The following DACH2 variants were observed in gnomAD, a reference collection of about 807,000 sequenced individuals.
DACH2 encodes dachshund homolog 2.
In DACH2, 17 loss-of-function variants were observed where a neutral mutation model predicts 35.8. The observed-to-expected ratio is 0.48, with a 90% CI of 0.33 to 0.71. The LOEUF (loss-of-function observed/expected upper bound fraction) is 0.71. DACH2 is among the 30% of genes least tolerant of loss of function. The pLI is 0.02. For missense variants in DACH2, 469 were observed against 472.7 expected (o/e 0.99, Z 0.07); for synonymous variants, 195 against 177.3 (o/e 1.10, Z -0.79).
At chrX:86,188,731 C>T (rs2031749802) in intron 1 of DACH2, among the ~76,000 whole-genome samples, 1 of 111,902 alleles carries the variant, frequency 8.9e-6, no homozygotes, top group Admixed American at 9.5e-5. Context: ...CCAAGGAATG[C>T]AGAGAAGGAC....
At chrX:86,245,366 G>A (rs1349868058) in intron 1 of DACH2, among the ~76,000 whole-genome samples, 1 of 111,757 alleles carries the variant, frequency 8.9e-6, no homozygotes, top group Non-Finnish European at 1.9e-5. Context: ...GCTGGCACAT[G>A]TGCACGAGCA....
chrX:86,317,041 C>T (rs1244024620), intron 1 of DACH2, among the ~76,000 whole-genome samples: 8 of 103,009 alleles, frequency 7.8e-5, no homozygotes, highest in East Asian at 6.1e-4. Flanking sequence ...TGCTTGAACC[C>T]GGGAGGCAGA....
chrX:86,789,491 C>T (rs901074945), intron 7 of DACH2, among the ~76,000 whole-genome samples: 4 of 109,316 alleles, frequency 3.7e-5, no homozygotes, highest in African/African-American at 1.3e-4. Context: ...ATTCCAAAAA[C>T]AATAAATGGA....
chrX:86,184,155 T>G (rs1236098862), intron 1 of DACH2: 1 of 149,871 alleles, frequency 6.7e-6, no homozygotes, highest in African/African-American at 3.2e-5. Context: ...TTTGAAGGGT[T>G]TTTCATGTTT....
At chrX:86,157,214 A>G (rs1482880425) in intron 1 of DACH2, among the ~76,000 whole-genome samples, 1 of 111,738 alleles carries the variant, frequency 8.9e-6, no homozygotes, top group Non-Finnish European at 1.9e-5. Flanking sequence ...ATTTTTAAAC[A>G]AATTGACTGT....
chrX:86,333,497 G>A (rs1197916787), intron 1 of DACH2, among the ~76,000 whole-genome samples: 2 of 111,164 alleles, frequency 1.8e-5, no homozygotes, highest in African/African-American at 6.5e-5. Context: ...GGAAACAAGG[G>A]GTTCAGAAAG....
At chrX:86,542,100 T>G (rs144928888) in intron 3 of DACH2, among the ~76,000 whole-genome samples, 13 of 111,961 alleles carry the variant, frequency 1.2e-4, no homozygotes, top group African/African-American at 3.9e-4. Flanking sequence ...TGTCACTTTC[T>G]CTTCCCTTTT....
chrX:86,546,339 CTCTTCTTCTTCTTCT>C (rs1182517815), intron 3 of DACH2, among the ~76,000 whole-genome samples: 45 of 67,200 alleles, frequency 6.7e-4, no homozygotes, highest in East Asian at 1.8e-3. Flanking sequence ...CTTCTTCTTC[CTCTTCTTCTTCTTCT>C]TCCTCTTCTT....
chrX:86,299,737 A>T (rs762231973), intron 1 of DACH2, among the ~76,000 whole-genome samples: 1 of 111,909 alleles, frequency 8.9e-6, no homozygotes, highest in African/African-American at 3.2e-5. Context: ...AATAATATGC[A>T]TCCACATAGA....
intron 2 of DACH2, among the ~76,000 whole-genome samples, chrX:86,434,736 A>G (rs2037039334): frequency 9.0e-6 from 1 of 111,632 alleles, no homozygotes; most frequent in Non-Finnish European, 1.9e-5. Context: ...GCATTGCTAT[A>G]AAGAAATACC....
At chrX:86,698,629 G>A (rs1163405793) in intron 5 of DACH2, among the ~76,000 whole-genome samples, 2 of 97,512 alleles carry the variant, frequency 2.1e-5, no homozygotes, top group African/African-American at 7.6e-5. Context: ...CCAGGCTCAG[G>A]TGAGCCTCTC....
intron 3 of DACH2, among the ~76,000 whole-genome samples, chrX:86,639,136 T>C (rs2040314222): frequency 1.8e-5 from 2 of 111,272 alleles, no homozygotes; most frequent in African/African-American, 6.6e-5. Context: ...AAACTGCCAG[T>C]AAACACAACA....
intron 7 of DACH2, among the ~76,000 whole-genome samples, chrX:86,797,090 C>T (rs2042247127): frequency 9.0e-6 from 1 of 110,862 alleles, no homozygotes; most frequent in African/African-American, 3.3e-5. Context: ...GTCTGATTGC[C>T]ATTTACTAGG....
At chrX:86,429,246 T>C (rs1449280021) in intron 2 of DACH2, among the ~76,000 whole-genome samples, 1 of 111,780 alleles carries the variant, frequency 8.9e-6, no homozygotes, top group Non-Finnish European at 1.9e-5. Context: ...TTAACAAAGT[T>C]ATATAGAGTG....
At chrX:86,242,402 G>A (rs2033185309) in intron 1 of DACH2, among the ~76,000 whole-genome samples, 1 of 111,941 alleles carries the variant, frequency 8.9e-6, no homozygotes, top group African/African-American at 3.2e-5. Flanking sequence ...TAGCCCCTTC[G>A]TTTTGGCCAA....
intron 4 of DACH2, among the ~76,000 whole-genome samples, chrX:86,674,936 A>C (rs966218412): frequency 1.8e-5 from 2 of 110,574 alleles, no homozygotes; most frequent in African/African-American, 6.6e-5. Context: ...TAATTTCCTT[A>C]TGCTATCTTT....
chrX:86,776,835 G>A (rs931151258), intron 7 of DACH2, among the ~76,000 whole-genome samples: 1 of 111,344 alleles, frequency 9.0e-6, no homozygotes, highest in Non-Finnish European at 1.9e-5. Context: ...AGAACATGCG[G>A]TGTTTGGTTT....
chrX:86,378,542 T>G (rs2148105471), intron 2 of DACH2, among the ~76,000 whole-genome samples: 1 of 111,026 alleles, frequency 9.0e-6, no homozygotes, highest in Admixed American at 9.6e-5. Context: ...ATCTGACTTT[T>G]TAAAAGAAGC....
At chrX:86,462,526 C>A (rs2037593279) in intron 2 of DACH2, among the ~76,000 whole-genome samples, 1 of 111,728 alleles carries the variant, frequency 9.0e-6, no homozygotes, top group South Asian at 3.6e-4. Context: ...ACACATTCTT[C>A]ATTCCTTTTT....
Sources: allele counts gnomAD v4.1 joint callset (sites outside exome capture counted in the v4.1 genomes callset), GRCh38; gene constraint gnomAD v4.1.1; transcripts MANE v1.5; gene names NCBI Gene and HGNC (gene_info 2026-07-23, HGNC 2026-07-21).